The following COPG2 variants were observed in gnomAD, a reference collection of about 807,000 sequenced individuals.
COPG2 encodes the protein coatomer subunit gamma-2.
A neutral mutation model predicts 46.3 loss-of-function variants in COPG2; 37 were observed. The observed-to-expected ratio is 0.80, with a 90% CI of 0.61 to 1.05. The LOEUF (loss-of-function observed/expected upper bound fraction) is 1.05. Ranked by LOEUF, COPG2 falls within the 50% of genes least tolerant of loss-of-function variation. The pLI is 0.00. For synonymous variants in COPG2, 159 were observed against 129.7 expected, an observed-to-expected ratio of 1.23 and a Z score of -1.53; for missense variants, 427 against 387.8, an observed-to-expected ratio of 1.10 and a Z score of -0.85.
chr7:130,513,301 AAAAAAAAAT>A lies in COPG2; in HGVS notation c.2150-4651_2150-4643del, dbSNP rs1356016941. ...GAAATAATTCTGTCTAAAAAAAAAA[AAAAAAAAAT>A]ATATATATATATATATATATATATA... On this transcript the variant is annotated intron_variant, in intron 20 of 23. Coordinates refer to ENST00000425248, the MANE Select transcript of COPG2 (RefSeq NM_012133.6). Among the ~76,000 whole-genome samples, 22 of 45,006 alleles carry A rather than the reference AAAAAAAAAT, an allele frequency of 4.9e-4. 1 individual carries two copies. The highest frequency in any genetic ancestry group is 2.0e-3 in the African/African-American group (19 of 9,392). 29.5% of individuals were successfully genotyped at this position (45,006 alleles called of 152,430 possible). A position where few individuals can be genotyped will look rare whatever the true frequency, so the allele number is the denominator to read the frequency against.
intron 5 of COPG2, among the ~76,000 whole-genome samples, chr7:130,636,538 G>GTTTTTTTTTTTTTT (rs59688621): frequency 5.3e-5 from 5 of 94,114 alleles, no homozygotes; most frequent in African/African-American, 8.5e-5. Context: ...ATTGCAACCG[G>GTTTTTTTTTTTTTT]TTTTTTTTTT....
chr7:130,577,888 G>C (rs1336534682), intron 9 of COPG2, among the ~76,000 whole-genome samples: 2 of 152,020 alleles, frequency 1.3e-5, no homozygotes, highest in Non-Finnish European at 2.9e-5. Context: ...AGCAGTCTGA[G>C]ATCAAACTGC....
intron 5 of COPG2, among the ~76,000 whole-genome samples, chr7:130,644,835 G>A (rs564634016): frequency 1.3e-5 from 2 of 152,236 alleles, no homozygotes; most frequent in Admixed American, 6.5e-5. Flanking sequence ...GCCGAGGCAG[G>A]CAGATCACCT....
intron 10 of COPG2, among the ~76,000 whole-genome samples, chr7:130,563,840 C>CT (rs1250551029): frequency 1.3e-5 from 2 of 148,754 alleles, no homozygotes; most frequent in East Asian, 2.0e-4. Context: ...AAAGTTTGCT[C>CT]TTTTTAAAAA....
intron 12 of COPG2, among the ~76,000 whole-genome samples, chr7:130,558,764 C>T (rs1434284377): frequency 6.6e-6 from 1 of 152,142 alleles, no homozygotes; most frequent in African/African-American, 2.4e-5. Flanking sequence ...TCAAGCGATG[C>T]CCCTGCCTTG....
chr7:130,564,110 ACTAT>A (rs1238892893), intron 10 of COPG2, 146 bp downstream of exon 10: 70 of 396,130 alleles, frequency 1.8e-4, no homozygotes, highest in African/African-American at 1.3e-3. Flanking sequence ...ACTAAAATAA[ACTAT>A]CTACATATAA....
chr7:130,550,606 C>T lies in COPG2; in HGVS notation c.1692G>A (p.Gln564=), dbSNP rs1793523328. The change falls in exon 17 of 24, where the codon CAG becomes CAA. Residue 564 remains glutamine (Q), a synonymous_variant. Coordinates refer to ENST00000425248, the MANE Select transcript of COPG2 (RefSeq NM_012133.6). The stretch of plus-strand genomic sequence containing the variant: ...GTTTTTCTGAAGGCTCCAACGTGTA[C>T]TGGTGTAAGGCTTTTTCCATCCCTG... ...SVPGMEKALH[Q]YTLEPSEKPF... is the part of the protein sequence containing the mutation. The T allele has an allele frequency of 2.5e-6, 1 of 397,928 alleles. No individual in the cohort carries two copies. The highest frequency in any genetic ancestry group is 1.3e-4 in the South Asian group (1 of 7,852). The allele number at this position is 397,928 out of a possible 1,614,324, so 24.6% of individuals were successfully genotyped here. A position where few individuals can be genotyped will look rare whatever the true frequency, so the allele number is the denominator to read the frequency against.
At chr7:130,577,102 G>A (rs1554446328) in intron 9 of COPG2, among the ~76,000 whole-genome samples, 1 of 152,144 alleles carries the variant, frequency 6.6e-6, no homozygotes, top group Admixed American at 6.5e-5. Context: ...AACAAGCAGC[G>A]AGATTGAAAT....
chr7:130,576,960 G>T (rs531279934), intron 9 of COPG2, among the ~76,000 whole-genome samples: 1 of 152,174 alleles, frequency 6.6e-6, no homozygotes, highest in East Asian at 1.9e-4. Flanking sequence ...AAATACAAAT[G>T]ATCATTCAAA....
At chr7:130,593,727 A>C (rs1794475251) in intron 9 of COPG2, among the ~76,000 whole-genome samples, 1 of 151,836 alleles carries the variant, frequency 6.6e-6, no homozygotes, top group Non-Finnish European at 1.5e-5. Flanking sequence ...TGGAGAAGAA[A>C]GAAATTAAAT....
intron 20 of COPG2, among the ~76,000 whole-genome samples, chr7:130,545,660 A>C (rs1409021823): frequency 6.6e-6 from 1 of 152,206 alleles, no homozygotes; most frequent in Non-Finnish European, 1.5e-5. Context: ...ATATAAACTT[A>C]CTACTAACAA....
In COPG2 at chr7:130,646,613, C is replaced by T. The variant is rs531892324; in HGVS notation, c.323+6256G>A. On this transcript the variant is annotated intron_variant, in intron 5 of 23. Coordinates refer to ENST00000425248, the MANE Select transcript of COPG2 (RefSeq NM_012133.6). ...GAATTCTGATATGGTTTGGCTCTGTCATCTCCACCGAAATCTCATCTCGAA... is the reference window on the plus strand; with the variant it reads ...GAATTCTGATATGGTTTGGCTCTGTTATCTCCACCGAAATCTCATCTCGAA... Among the ~76,000 whole-genome samples, 146 of 152,150 alleles carry T rather than the reference C, an allele frequency of 9.6e-4. 1 individual carries two copies. Among genetic ancestry groups the T allele is most frequent in the Admixed American group, 5.3e-3 (81 of 15,276 alleles).
At chr7:130,664,955 C>A (rs934840586) in intron 3 of COPG2, among the ~76,000 whole-genome samples, 1 of 152,064 alleles carries the variant, frequency 6.6e-6, no homozygotes, top group East Asian at 1.9e-4. Flanking sequence ...CTGAGGTGGG[C>A]GGATCACCTA....
chr7:130,560,249 T>C (rs1368699324), intron 12 of COPG2, among the ~76,000 whole-genome samples: 1 of 152,142 alleles, frequency 6.6e-6, no homozygotes, highest in Admixed American at 6.5e-5. Context: ...TTTAATAAAA[T>C]ATCAAAAGCA....
intron 4 of COPG2, among the ~76,000 whole-genome samples, chr7:130,654,835 T>G (rs890547476): frequency 1.8e-5 from 1 of 56,388 alleles, no homozygotes; most frequent in African/African-American, 3.1e-5. Flanking sequence ...CTGGGTTTTT[T>G]TGTTTGTTTG....
intron 1 of COPG2, 132 bp from the exon 2 acceptor site, chr7:130,667,666 G>T: frequency 1.8e-6 from 1 of 570,994 alleles, no homozygotes; most frequent in Non-Finnish European, 3.0e-6. Flanking sequence ...TGGCTAATAC[G>T]CATACGAACT....
intron 16 of COPG2, among the ~76,000 whole-genome samples, chr7:130,551,009 G>A (rs1239761104): frequency 1.3e-5 from 2 of 152,062 alleles, no homozygotes; most frequent in African/African-American, 4.8e-5. Context: ...AGTGAGCAAC[G>A]TTCCTAAAAA....
intron 5 of COPG2, among the ~76,000 whole-genome samples, chr7:130,632,869 C>A (rs1169082006): frequency 6.6e-6 from 1 of 152,020 alleles, no homozygotes; most frequent in African/African-American, 2.4e-5. Flanking sequence ...ACATTAGGTA[C>A]TTCTCCTAAT....
intron 9 of COPG2, among the ~76,000 whole-genome samples, chr7:130,574,097 T>C (rs1482698121): frequency 6.6e-6 from 1 of 152,086 alleles, no homozygotes; most frequent in Non-Finnish European, 1.5e-5. Context: ...GAAAAACAAG[T>C]GCCCATCAAC....
Sources: allele counts gnomAD v4.1 joint callset (sites outside exome capture counted in the v4.1 genomes callset), GRCh38; gene constraint gnomAD v4.1.1; transcripts MANE v1.5; gene names NCBI Gene and HGNC (gene_info 2026-07-23, HGNC 2026-07-21).